Variants in MACF1 observed in about 807,000 individuals in gnomAD.
MACF1 encodes the protein microtubule actin crosslinking factor 1.
MACF1 carries 193 observed loss-of-function variants against 854.8 expected under a neutral mutation model. The ratio of observed to expected loss-of-function variants is 0.23; its 90% confidence interval spans 0.20 to 0.25. The LOEUF is 0.25. Ranked by LOEUF, MACF1 falls within the 10% of genes least tolerant of loss-of-function variation. The pLI, the probability that MACF1 is intolerant of heterozygous loss-of-function variation, is 1.00. For synonymous variants in MACF1, 3,185 were observed against 3,226.7 expected (o/e 0.99, Z 0.44); for missense variants, 7,722 against 8,929.1 (o/e 0.86, Z 5.45).
chr1:39,336,665 G>T lies in MACF1; in HGVS notation c.10065+12G>T. On this transcript the variant is annotated intron_variant, in intron 37 of 100. Transcript: ENST00000564288. ...TCAGAGCAACTCAGGTCAGTGGTGT[G>T]CTTTTTTTTTTTTCTTCCTAAAGAT... is the stretch of plus-strand genomic sequence containing the variant. The T allele has an allele frequency of 3.2e-6, 5 of 1,547,144 alleles. No individual in the cohort carries two copies. The highest frequency in any genetic ancestry group is 4.3e-6 in the Non-Finnish European group (5 of 1,155,566).
rs1429476631 is a variant in MACF1 at position 39,344,039 on chromosome 1, C to T, written c.10582-2938C>T. Among the ~76,000 whole-genome samples, 24 of 150,636 alleles carry T rather than the reference C, an allele frequency of 1.6e-4. No homozygotes were observed. In the South Asian group the frequency reaches 2.3e-3, roughly 15 times the overall value. On this transcript the variant is annotated intron_variant, in intron 40 of 100. Coordinates refer to ENST00000564288, the MANE Select transcript of MACF1 (RefSeq NM_001394062.1). ...CTGAGGCAGGAGAATCACTTGAACC[C>T]GGGAGGCAGAGGTTGTGGTGAGCCG...
chr1:39,128,967 T>C (rs1313332936), intron 2 of MACF1, among the ~76,000 whole-genome samples: 1 of 152,238 alleles, frequency 6.6e-6, no homozygotes, highest in Non-Finnish European at 1.5e-5. Context: ...CCCAGTTAGA[T>C]TGTGCTGCTT....
rs1271557682 is a variant in MACF1, at chr1:39,448,842, G to A, written c.20258+79G>A. ...TTCTTACCAGATTCTATAAAATGGT[G>A]ATAAAGCTAATGCATCAGTAAGAGG... On this transcript the variant is annotated intron_variant, in intron 84 of 100. Coordinates refer to ENST00000564288, the MANE Select transcript of MACF1 (RefSeq NM_001394062.1). The A allele has an allele frequency of 1.2e-5, 15 of 1,233,068 alleles. No homozygotes were observed. The East Asian group carries it at 3.6e-4, about 30-fold the overall frequency. 76.4% of individuals were successfully genotyped at this position (1,233,068 alleles called of 1,614,324 possible).
At chr1:39,254,419 G>A (rs771755067) in intron 5 of MACF1, 44 bp downstream of exon 5, 3 of 1,563,592 alleles carry the variant, frequency 1.9e-6, no homozygotes, top group Non-Finnish European at 2.6e-6. Flanking sequence ...GGCTGTGTTG[G>A]CATTGGGGCC....
At chr1:39,466,707 A>G (rs1644675989) in intron 95 of MACF1, among the ~76,000 whole-genome samples, 1 of 152,240 alleles carries the variant, frequency 6.6e-6, no homozygotes, top group Non-Finnish European at 1.5e-5. Context: ...GGGCTCTCAC[A>G]GAGCCTGGGG....
chr1:39,347,905 T>C (rs1647092716), intron 41 of MACF1, among the ~76,000 whole-genome samples: 1 of 152,046 alleles, frequency 6.6e-6, no homozygotes. Context: ...AACTCTCTTC[T>C]TGCAAAGCTC....
Position 39,121,389 on chromosome 1 carries a change from A to C in MACF1, c.220+36951A>C, listed in dbSNP as rs942272973. Among the ~76,000 whole-genome samples the C allele has an allele frequency of 1.3e-4, 20 of 152,312 alleles. No individual in the cohort carries two copies. In the East Asian group the frequency reaches 3.3e-3, roughly 25 times the overall value. Reference sequence around the variant, plus strand: ...AAAAGGGGTGGGGGAAGCAAAAGGGAAGAAGCTAATATATATTGAGTCCTT... The same window carrying C: ...AAAAGGGGTGGGGGAAGCAAAAGGGCAGAAGCTAATATATATTGAGTCCTT... On this transcript the variant is annotated intron_variant, in intron 2 of 93. Coordinates refer to the MACF1 transcript ENST00000361689.
chr1:39,237,346 A>G (rs1286955330), intron 2 of MACF1, among the ~76,000 whole-genome samples: 2 of 152,096 alleles, frequency 1.3e-5, no homozygotes, highest in African/African-American at 4.8e-5. Context: ...CTGTGTGTTC[A>G]CTCATCGATG....
Position 39,443,520 on chromosome 1 carries a change from T to C in MACF1, c.19377T>C (p.Ser6459=). The stretch of plus-strand genomic sequence containing the variant: ...GAATGGAGAGCCAGCTTTCTGCATC[T>C]AAGCCCACAGGAGGACTTCCTGAAA... ...LTRMESQLSA[S]KPTGGLPETA... The change falls in exon 79 of 101, where the codon TCT becomes TCC. Residue 6459 remains serine (S), a synonymous_variant. Coordinates refer to ENST00000564288, the MANE Select transcript of MACF1 (RefSeq NM_001394062.1). The C allele has an allele frequency of 6.2e-7, 1 of 1,613,854 alleles. No homozygotes were observed. The highest frequency in any genetic ancestry group is 1.1e-5 in the South Asian group (1 of 91,046).
Position 39,388,137 on chromosome 1 carries a change from G to C in MACF1, c.15295G>C (p.Glu5099Gln). ...CCACCAAGCTGAGGTCGCCCAGCAA[G>C]AGTTCCTCGAAGTTAAGCAAAGAGT... ...LLHQAEVAQQ[E>Q]FLEVKQRVNS... is the part of the protein sequence containing the mutation. Residue 5099 changes from glutamate to glutamine, a missense_variant, in exon 58 of 101, where the codon GAG (glutamate) becomes CAG (glutamine). Physicochemically the swap from Glu to Gln is conservative, Grantham distance 29 (BLOSUM62 2). Transcript: ENST00000564288. 12 of 1,614,166 alleles carry C rather than the reference G, an allele frequency of 7.4e-6. No individual in the cohort carries two copies. The highest frequency in any genetic ancestry group is 1.3e-5 in the African/African-American group (1 of 75,034).
chr1:39,429,766 AT>A, intron 64 of MACF1, 60 bp from the exon 65 acceptor site: 1 of 1,513,398 alleles, frequency 6.6e-7, no homozygotes. Context: ...AAGAAAGGGG[AT>A]CAGAGACTCC....
intron 66 of MACF1, among the ~76,000 whole-genome samples, chr1:39,432,279 G>T (rs746802611): frequency 6.6e-6 from 1 of 152,184 alleles, no homozygotes; most frequent in African/African-American, 2.4e-5. Flanking sequence ...TTCTTTTGAA[G>T]GGGATTGATA....
rs985570999 is a variant in MACF1, at chr1:39,450,482, G to A, written c.20259-570G>A. On this transcript the variant is annotated intron_variant, in intron 84 of 100. Transcript: ENST00000564288. ...GACCTTGGGTTGTTAGGGTGTGCCT[G>A]TGTGTCACTGGGCTATAAGATGCCT... Among the ~76,000 whole-genome samples the A allele has an allele frequency of 2.0e-5, 3 of 152,136 alleles. No individual in the cohort carries two copies. In the South Asian group the frequency reaches 6.2e-4, roughly 32 times the overall value.
chr1:39,239,556 A>G (rs1439849492), intron 2 of MACF1, among the ~76,000 whole-genome samples: 1 of 152,254 alleles, frequency 6.6e-6, no homozygotes, highest in African/African-American at 2.4e-5. Flanking sequence ...TACCAGAACC[A>G]TCAAAAAGAG....
intron 22 of MACF1, among the ~76,000 whole-genome samples, chr1:39,300,763 G>A (rs1646022950): frequency 6.6e-6 from 1 of 152,100 alleles, no homozygotes; most frequent in African/African-American, 2.4e-5. Context: ...GAGCATAAGT[G>A]GCTGGGTGGA....
intron 2 of MACF1, among the ~76,000 whole-genome samples, chr1:39,172,277 A>G (rs553245977): frequency 6.6e-6 from 1 of 152,350 alleles, no homozygotes; most frequent in African/African-American, 2.4e-5. Flanking sequence ...ATTCTCTGAT[A>G]ATCCCTCTAT....
At chr1:39,121,302 A>G (rs922344716) in intron 2 of MACF1, among the ~76,000 whole-genome samples, 38 of 152,352 alleles carry the variant, frequency 2.5e-4, no homozygotes, top group African/African-American at 8.9e-4. Context: ...ATGCTTAATC[A>G]CAGTTCCTTT....
chr1:39,140,430 T>G (rs1265018910), intron 2 of MACF1, among the ~76,000 whole-genome samples: 1 of 152,242 alleles, frequency 6.6e-6, no homozygotes, highest in African/African-American at 2.4e-5. Context: ...GTCTCTGACA[T>G]CCCATAGCAC....
chr1:39,239,047 C>T (rs571488817), intron 2 of MACF1, among the ~76,000 whole-genome samples: 74 of 152,128 alleles, frequency 4.9e-4, no homozygotes, highest in African/African-American at 1.4e-3. Context: ...TCTGGGAGAC[C>T]GAGGGGGTGG....
Sources: allele counts gnomAD v4.1 joint callset (sites outside exome capture counted in the v4.1 genomes callset), GRCh38; gene constraint gnomAD v4.1.1; transcripts MANE v1.5; gene names NCBI Gene and HGNC (gene_info 2026-07-23, HGNC 2026-07-21).